The following ADCK1 variants were observed in gnomAD, a reference collection of about 807,000 sequenced individuals.
The protein encoded by ADCK1 is aarF domain-containing protein kinase 1.
Under a neutral mutation model 52.3 loss-of-function variants are expected in ADCK1, and 41 were observed. The ratio of observed to expected loss-of-function variants is 0.78; its 90% CI spans 0.61 to 1.02. The LOEUF (loss-of-function observed/expected upper bound fraction) is 1.02. Ranked by LOEUF, ADCK1 falls within the 50% of genes least tolerant of loss-of-function variation. ADCK1 has a pLI of 0.00. For synonymous variants in ADCK1, 250 were observed against 274.6 expected, an observed-to-expected ratio of 0.91 and a Z score of 0.89; for missense variants, 658 against 679.5, an observed-to-expected ratio of 0.97 and a Z score of 0.35.
intron 9 of ADCK1, among the ~76,000 whole-genome samples, chr14:77,929,573 G>GC (rs2084277066): frequency 6.6e-6 from 1 of 152,230 alleles, no homozygotes; most frequent in African/African-American, 2.4e-5. Context: ...AGAGCTCAGA[G>GC]CTAGCCCTGG....
chr14:77,871,348 C>T (rs562801096), intron 4 of ADCK1, among the ~76,000 whole-genome samples: 25 of 152,150 alleles, frequency 1.6e-4, no homozygotes, highest in Middle Eastern at 3.4e-3. Context: ...ATTCATACAC[C>T]AACTTCCTAA....
intron 4 of ADCK1, among the ~76,000 whole-genome samples, chr14:77,866,407 A>C (rs1236451544): frequency 2.6e-5 from 4 of 152,094 alleles, no homozygotes; most frequent in African/African-American, 9.7e-5. Flanking sequence ...CCAGCACTCT[A>C]TCTGGTCAGC....
At position 77,899,356 on chromosome 14, in the gene ADCK1, G is replaced by A. The variant is rs1039654572; in HGVS notation, c.741+98G>A. The A allele has an allele frequency of 2.7e-6, 4 of 1,479,672 alleles. No individual in the cohort carries two copies. In the African/African-American group the frequency reaches 5.6e-5, roughly 21 times the overall value. The allele number at this position is 1,479,672 out of a possible 1,614,324, so 91.7% of individuals were successfully genotyped here. On this transcript the variant is annotated intron_variant, in intron 6 of 10. Coordinates refer to ENST00000238561, the MANE Select transcript of ADCK1 (RefSeq NM_020421.4). ...GAGCATCCCTTTCAGGACATAATTG[G>A]GACATCTTCTTCCTGAGTCCTCTTA... is the stretch of plus-strand genomic sequence containing the variant.
chr14:77,837,368 GC>G (rs2081983332), intron 3 of ADCK1, among the ~76,000 whole-genome samples: 1 of 152,072 alleles, frequency 6.6e-6, no homozygotes, highest in Non-Finnish European at 1.5e-5. Context: ...CAACTCCTGG[GC>G]TCAAGTGATC....
At chr14:77,895,151 G>A (rs932031146) in intron 5 of ADCK1, among the ~76,000 whole-genome samples, 10 of 152,148 alleles carry the variant, frequency 6.6e-5, no homozygotes, top group African/African-American at 2.4e-4. Context: ...CCAATGACCC[G>A]ATAGGAAGAT....
At chr14:77,847,142 C>T (rs564163569) in intron 3 of ADCK1, among the ~76,000 whole-genome samples, 66 of 152,158 alleles carry the variant, frequency 4.3e-4, no homozygotes, top group African/African-American at 1.5e-3. Context: ...AGATGCTATG[C>T]AAGGGCCTGG....
chr14:77,874,868 G>A (rs1321165497), intron 4 of ADCK1, among the ~76,000 whole-genome samples: 1 of 152,166 alleles, frequency 6.6e-6, no homozygotes, highest in Non-Finnish European at 1.5e-5. Context: ...AGTGACTGCA[G>A]GGAGGTTGCA....
chr14:77,922,750 A>G (rs751269726), intron 7 of ADCK1, among the ~76,000 whole-genome samples: 1 of 152,214 alleles, frequency 6.6e-6, no homozygotes, highest in Non-Finnish European at 1.5e-5. Flanking sequence ...TTGATGAATC[A>G]GTTTCACATC....
Position 77,907,912 on chromosome 14 carries a change from T to C in ADCK1, c.851T>C (p.Val284Ala). 1 of 1,613,616 alleles carries C rather than the reference T, an allele frequency of 6.2e-7. No homozygotes were observed. The highest frequency in any genetic ancestry group is 1.1e-5 in the South Asian group (1 of 91,030). The change falls in exon 7 of 11, where the codon GTC becomes GCC. Residue 284 changes from valine (V) to alanine (A), a missense_variant. Coordinates refer to ENST00000238561, the MANE Select transcript of ADCK1 (RefSeq NM_020421.4). ...RDYMERNKID[V>A]NEISRHLGKM... ...TACATGGAGAGGAACAAGATCGACG[T>C]CAATGAGGTGAGGTCAAGAGCTCAG...
intron 5 of ADCK1, among the ~76,000 whole-genome samples, chr14:77,887,908 T>C (rs1184951557): frequency 6.6e-6 from 1 of 152,174 alleles, no homozygotes; most frequent in Non-Finnish European, 1.5e-5. Flanking sequence ...TTTTCTTCCT[T>C]TTCTTGTTTC....
At chr14:77,853,548 TG>T (rs766686448) in intron 3 of ADCK1, among the ~76,000 whole-genome samples, 2 of 152,184 alleles carry the variant, frequency 1.3e-5, no homozygotes, top group Non-Finnish European at 2.9e-5. Context: ...ATTTGTTAGA[TG>T]GGAATGGAAC....
At chr14:77,858,898 G>A (rs2082480711) in intron 3 of ADCK1, among the ~76,000 whole-genome samples, 178 bp from the exon 4 acceptor site, 2 of 152,148 alleles carry the variant, frequency 1.3e-5, no homozygotes. Flanking sequence ...ACTGCCCCGT[G>A]TACCAGGAAG....
intron 7 of ADCK1, among the ~76,000 whole-genome samples, chr14:77,916,266 A>G (rs914372852): frequency 6.6e-6 from 1 of 151,780 alleles, no homozygotes; most frequent in Admixed American, 6.6e-5. Context: ...GGTAACTTTA[A>G]TGAATGTCTC....
chr14:77,906,600 T>C (rs540715586), intron 6 of ADCK1, among the ~76,000 whole-genome samples: 1 of 152,228 alleles, frequency 6.6e-6, no homozygotes, highest in Non-Finnish European at 1.5e-5. Context: ...GCAAGAAGGT[T>C]TGCAGTGGTT....
Position 77,933,279 on chromosome 14 carries a change from C to A in ADCK1, c.1460C>A (p.Ala487Asp), listed in dbSNP as rs768253087. Reference protein sequence around the residue: ...FRRTQISFSEAFNLWQINLHE... With the variant: ...FRRTQISFSEDFNLWQINLHE... ...AGGACCCAGATCTCTTTCAGCGAGG[C>A]CTTCAACTTATGGCAGATCAACCTC... Residue 487 changes from alanine to aspartate, a missense_variant, in exon 11 of 11, where the codon GCC (alanine) becomes GAC (aspartate). Transcript: ENST00000238561. The A allele has an allele frequency of 7.4e-6, 12 of 1,614,050 alleles. No homozygotes were observed. In the South Asian group the frequency reaches 7.7e-5, roughly 10 times the overall value.
rs573435242 is a variant in ADCK1 at position 77,854,854 on chromosome 14, A to C, written c.220-4222A>C. Reference sequence around the variant, plus strand: ...GATTACAGGCGTCAGCCACCCACTCACAGGAGTGTGCTTTTCATATGCAAA... The same window carrying C: ...GATTACAGGCGTCAGCCACCCACTCCCAGGAGTGTGCTTTTCATATGCAAA... On this transcript the variant is annotated intron_variant, in intron 3 of 10. Transcript: ENST00000238561. 2.8e-4 allele frequency among the ~76,000 whole-genome samples: 42 copies of C among 152,222 alleles called. No homozygotes were observed. The South Asian group carries it at 7.9e-3, about 29-fold the overall frequency.
intron 3 of ADCK1, chr14:77,827,852 A>G (rs1220626786): frequency 1.7e-5 from 7 of 411,840 alleles, no homozygotes; most frequent in Non-Finnish European, 2.8e-5. Context: ...TTTTTGAGCT[A>G]GAGTCTTGCT....
intron 9 of ADCK1, among the ~76,000 whole-genome samples, chr14:77,927,102 C>T (rs35963109): frequency 0.099 from 15,123 of 152,208 alleles, 839 homozygotes; most frequent in Middle Eastern, 0.15. Flanking sequence ...GTCCTCATCA[C>T]CTCTTTGAGC....
At chr14:77,906,048 C>A (rs1566723083) in intron 6 of ADCK1, among the ~76,000 whole-genome samples, 1 of 152,172 alleles carries the variant, frequency 6.6e-6, no homozygotes, top group African/African-American at 2.4e-5. Context: ...GTATGTACAG[C>A]CCCCATTTAT....
Sources: allele counts gnomAD v4.1 joint callset (sites outside exome capture counted in the v4.1 genomes callset), GRCh38; gene constraint gnomAD v4.1.1; transcripts MANE v1.5; gene names NCBI Gene and HGNC (gene_info 2026-07-23, HGNC 2026-07-21).